SNX3: variants seen among roughly 807,000 people sequenced by gnomAD.
SNX3 encodes sorting nexin 3, also known as sorting nexin-3.
A neutral mutation model predicts 17.7 loss-of-function variants in SNX3; 5 were observed. The observed-to-expected ratio is 0.28, with a 90% confidence interval of 0.15 to 0.59. SNX3 has a LOEUF of 0.59. Among genes scored for constraint, SNX3 ranks in the 20% least tolerant of loss-of-function variants. The pLI is 0.88. For synonymous variants in SNX3, 91 were observed against 76.5 expected (o/e 1.19, Z -0.99); for missense variants, 132 against 206.8 (o/e 0.64, Z 2.22).
chr6:108,240,497 G>C (rs939808889), intron 1 of SNX3, among the ~76,000 whole-genome samples: 40 of 152,266 alleles, frequency 2.6e-4, no homozygotes, highest in African/African-American at 8.2e-4. Context: ...GGGATTACAG[G>C]CATGAGCCAC....
At chr6:108,246,478 CCAT>C (rs2066011812) in intron 1 of SNX3, among the ~76,000 whole-genome samples, 1 of 151,012 alleles carries the variant, frequency 6.6e-6, no homozygotes, top group South Asian at 2.1e-4. Context: ...GCACACACCA[CCAT>C]GCCTAATTTT....
chr6:108,249,761 G>A (rs1035046006), intron 1 of SNX3, among the ~76,000 whole-genome samples: 4 of 152,198 alleles, frequency 2.6e-5, no homozygotes, highest in African/African-American at 9.6e-5. Context: ...TAGGAGGAAA[G>A]AATGGTATCT....
At chr6:108,257,833 G>A (rs1053629522) in intron 1 of SNX3, among the ~76,000 whole-genome samples, 4 of 151,870 alleles carry the variant, frequency 2.6e-5, no homozygotes, top group Admixed American at 2.6e-4. Flanking sequence ...GCGTGGTGGC[G>A]CGTGCCTGTA....
intron 1 of SNX3, among the ~76,000 whole-genome samples, chr6:108,250,458 C>G (rs1161540441): frequency 6.6e-6 from 1 of 152,098 alleles, no homozygotes; most frequent in Non-Finnish European, 1.5e-5. Context: ...ATTTGCCAAC[C>G]CTTGCTCTAT....
At chr6:108,216,428 C>T (rs1774579770) in intron 2 of SNX3, among the ~76,000 whole-genome samples, 1 of 152,158 alleles carries the variant, frequency 6.6e-6, no homozygotes, top group African/African-American at 2.4e-5. Flanking sequence ...GGTGGAAAAC[C>T]ATCAATCTAT....
chr6:108,236,378 AT>A (rs1184591793), intron 1 of SNX3, among the ~76,000 whole-genome samples: 1,757 of 133,144 alleles, frequency 0.013, 12 homozygotes, highest in African/African-American at 0.036. Flanking sequence ...TATTATTATT[AT>A]TTTTTTTTTT....
At chr6:108,227,324 GAA>G (rs963552159) in intron 1 of SNX3, among the ~76,000 whole-genome samples, 9 of 152,148 alleles carry the variant, frequency 5.9e-5, no homozygotes, top group African/African-American at 1.9e-4. Context: ...TCAAGCTTGC[GAA>G]AAGAGTCCCC....
intron 2 of SNX3, chr6:108,222,288 A>C (rs1774809910): frequency 7.7e-7 from 1 of 1,304,094 alleles, no homozygotes; most frequent in Non-Finnish European, 1.0e-6. Flanking sequence ...TCCTTCCATG[A>C]CTCCTTGCCT....
chr6:108,214,993 C>A (rs916598702), intron 2 of SNX3, among the ~76,000 whole-genome samples: 1 of 152,192 alleles, frequency 6.6e-6, no homozygotes, highest in Non-Finnish European at 1.5e-5. Flanking sequence ...CTGCAGAGAT[C>A]AAAATCAACT....
At chr6:108,214,402 C>T in intron 3 of SNX3, 96 bp downstream of exon 3, 1 of 1,224,560 alleles carries the variant, frequency 8.2e-7, no homozygotes, top group Non-Finnish European at 1.2e-6. Flanking sequence ...TAGGAAATGG[C>T]TGAAAGAAAA....
At chr6:108,235,787 T>C (rs1775310795) in intron 1 of SNX3, among the ~76,000 whole-genome samples, 1 of 152,070 alleles carries the variant, frequency 6.6e-6, no homozygotes, top group African/African-American at 2.4e-5. Flanking sequence ...TCCCAGCTAC[T>C]TGGGAGGCTG....
intron 1 of SNX3, among the ~76,000 whole-genome samples, chr6:108,249,751 T>C (rs775591358): frequency 5.3e-5 from 8 of 152,196 alleles, no homozygotes; most frequent in African/African-American, 1.9e-4. Context: ...ACTGGGCCTC[T>C]AGGAGGAAAG....
At chr6:108,230,537 A>G (rs188290667) in intron 1 of SNX3, among the ~76,000 whole-genome samples, 72 of 152,304 alleles carry the variant, frequency 4.7e-4, no homozygotes, top group Admixed American at 4.6e-3. Flanking sequence ...GCAAGAACCA[A>G]AAAGTAAGCC....
intron 1 of SNX3, among the ~76,000 whole-genome samples, chr6:108,246,700 T>C (rs1231913773): frequency 1.3e-5 from 2 of 152,038 alleles, no homozygotes; most frequent in African/African-American, 4.8e-5. Flanking sequence ...CAGTATAGAA[T>C]AGAATGTGTT....
intron 1 of SNX3, among the ~76,000 whole-genome samples, chr6:108,257,500 G>A (rs1036000718): frequency 3.2e-4 from 49 of 152,150 alleles, no homozygotes; most frequent in Admixed American, 1.1e-3. Flanking sequence ...GCTACAGAAC[G>A]AGACTCTTAT....
intron 1 of SNX3, among the ~76,000 whole-genome samples, chr6:108,236,634 C>T (rs918214698): frequency 2.6e-5 from 4 of 151,858 alleles, no homozygotes; most frequent in Admixed American, 6.6e-5. Flanking sequence ...GTGATCCGCC[C>T]GCCTCGGCCT....
intron 1 of SNX3, among the ~76,000 whole-genome samples, chr6:108,238,680 CT>C (rs1173178997): frequency 6.6e-6 from 1 of 152,148 alleles, no homozygotes; most frequent in African/African-American, 2.4e-5. Flanking sequence ...TTTAAAGCCT[CT>C]TATTTTTCCG....
intron 1 of SNX3, among the ~76,000 whole-genome samples, chr6:108,235,932 G>T (rs568815196): frequency 6.6e-6 from 1 of 151,958 alleles, no homozygotes. Context: ...TCAACTCTTC[G>T]CTGTTTAGTT....
At chr6:108,242,803 T>C (rs572636991) in intron 1 of SNX3, among the ~76,000 whole-genome samples, 2 of 152,350 alleles carry the variant, frequency 1.3e-5, no homozygotes, top group Admixed American at 6.5e-5. Flanking sequence ...AAGGGGGCTT[T>C]AGTCTTCCCT....
Sources: allele counts gnomAD v4.1 joint callset (sites outside exome capture counted in the v4.1 genomes callset), GRCh38; gene constraint gnomAD v4.1.1; transcripts MANE v1.5; gene names NCBI Gene and HGNC (gene_info 2026-07-23, HGNC 2026-07-21).